The following GRIN2B variants were observed in gnomAD, a reference collection of about 807,000 sequenced individuals.
GRIN2B encodes the protein glutamate receptor ionotropic, NMDA 2B.
A neutral mutation model predicts 114.5 loss-of-function variants in GRIN2B; 5 were observed. That is an observed-to-expected ratio of 0.04 (90% CI 0.02 to 0.09). The LOEUF (loss-of-function observed/expected upper bound fraction) is 0.09, where lower values mean the gene tolerates loss of function less well. Among genes scored for constraint, GRIN2B ranks in the 10% least tolerant of loss-of-function variants. The probability of loss-of-function intolerance (pLI) is 1.00; values close to 1 mark genes in which losing one functional copy is unlikely to be tolerated. For synonymous variants in GRIN2B, 787 were observed against 745.1 expected, an observed-to-expected ratio of 1.06 and a Z score of -0.92; for missense variants, 1,108 against 1,943.5, an observed-to-expected ratio of 0.57 and a Z score of 8.08.
intron 3 of GRIN2B, among the ~76,000 whole-genome samples, chr12:13,772,144 G>A (rs1471975369): frequency 2.0e-5 from 3 of 152,270 alleles, no homozygotes; most frequent in South Asian, 2.1e-4. Flanking sequence ...TAAAAGTCAC[G>A]TTCTTCAGCT....
intron 10 of GRIN2B, among the ~76,000 whole-genome samples, chr12:13,585,050 A>G (rs1447178285): frequency 1.3e-5 from 2 of 152,234 alleles, no homozygotes; most frequent in Non-Finnish European, 2.9e-5. Flanking sequence ...AGATGGATTC[A>G]CCATGGAAAC....
At chr12:13,629,269 C>A (rs553809371) in intron 5 of GRIN2B, among the ~76,000 whole-genome samples, 37 of 152,262 alleles carry the variant, frequency 2.4e-4, no homozygotes, top group Admixed American at 3.9e-4. Context: ...AGTTTTTTGT[C>A]AGATATTCTA....
chr12:13,817,544 T>C (rs570036377), intron 3 of GRIN2B, among the ~76,000 whole-genome samples: 5 of 152,244 alleles, frequency 3.3e-5, no homozygotes, highest in African/African-American at 7.2e-5. Flanking sequence ...ACATGTGGAA[T>C]GCAAAAATGC....
intron 3 of GRIN2B, among the ~76,000 whole-genome samples, chr12:13,757,841 A>G (rs1317644874): frequency 6.6e-6 from 1 of 152,150 alleles, no homozygotes; most frequent in East Asian, 1.9e-4. Flanking sequence ...AAAAAAAAAG[A>G]GGTGCTTTTT....
intron 2 of GRIN2B, among the ~76,000 whole-genome samples, chr12:13,965,839 A>T (rs192685269): frequency 6.6e-5 from 10 of 152,366 alleles, no homozygotes; most frequent in African/African-American, 2.2e-4. Context: ...AATCTTTTGC[A>T]TGATATGTCA....
At chr12:13,693,194 G>T (rs184537196) in intron 4 of GRIN2B, among the ~76,000 whole-genome samples, 4 of 152,098 alleles carry the variant, frequency 2.6e-5, no homozygotes, top group Non-Finnish European at 5.9e-5. Context: ...AGGAACTTAA[G>T]TCTTTATACC....
At chr12:13,736,583 C>T (rs573045963) in intron 4 of GRIN2B, among the ~76,000 whole-genome samples, 23 of 152,092 alleles carry the variant, frequency 1.5e-4, no homozygotes, top group South Asian at 8.3e-4. Context: ...TCCAGAAAAA[C>T]GTCTATTTAC....
At chr12:13,648,548 T>C (rs1470815768) in intron 5 of GRIN2B, among the ~76,000 whole-genome samples, 1 of 151,920 alleles carries the variant, frequency 6.6e-6, no homozygotes, top group Non-Finnish European at 1.5e-5. Context: ...AGTCCTAGGA[T>C]TTAAAATTTC....
chr12:13,570,629 A>G (rs1948694538), intron 11 of GRIN2B, among the ~76,000 whole-genome samples: 2 of 152,206 alleles, frequency 1.3e-5, no homozygotes, highest in Non-Finnish European at 2.9e-5. Flanking sequence ...TACATAAATT[A>G]CAGCATATAG....
At position 13,756,735 on chromosome 12, in the gene GRIN2B, A is replaced by T. The variant is rs1370613470; in HGVS notation, c.412-2820T>A. On this transcript the variant is annotated intron_variant, in intron 3 of 13. Transcript: ENST00000609686. The stretch of plus-strand genomic sequence containing the variant: ...CACAAGAAGGCTCTTGAATAGATGC[A>T]AAGTTCATGTGCTATGAAACCACAG... Among the ~76,000 whole-genome samples, 3 of 152,254 alleles carry T rather than the reference A, an allele frequency of 2.0e-5. No individual in the cohort carries two copies. The East Asian group carries it at 5.8e-4, about 29-fold the overall frequency.
chr12:13,593,016 A>G (rs1676752241), intron 10 of GRIN2B, among the ~76,000 whole-genome samples: 1 of 152,186 alleles, frequency 6.6e-6, no homozygotes, highest in Non-Finnish European at 1.5e-5. Context: ...TGCCTTGGGA[A>G]CTATTTTAAG....
chr12:13,793,042 A>G lies in GRIN2B; in HGVS notation c.412-39127T>C, dbSNP rs1253521810. Among the ~76,000 whole-genome samples the G allele has an allele frequency of 3.9e-5, 6 of 152,348 alleles. No homozygotes were observed. In the East Asian group the frequency reaches 1.2e-3, roughly 29 times the overall value. On this transcript the variant is annotated intron_variant, in intron 3 of 13. Coordinates refer to ENST00000609686, the MANE Select transcript of GRIN2B (RefSeq NM_000834.5). ...TGGGGAAGTCTGTGTTACTTGTAAT[A>G]TTTCCAACTGCATTTGTCACGTCTG...
At chr12:13,641,665 T>A (rs1391383415) in intron 5 of GRIN2B, among the ~76,000 whole-genome samples, 1 of 152,112 alleles carries the variant, frequency 6.6e-6, no homozygotes, top group East Asian at 1.9e-4. Flanking sequence ...TCATGGATGA[T>A]CATCTTAACT....
chr12:13,770,945 A>C (rs2136645565), intron 3 of GRIN2B, among the ~76,000 whole-genome samples: 1 of 152,298 alleles, frequency 6.6e-6, no homozygotes, highest in South Asian at 2.1e-4. Flanking sequence ...TTTCTGAATG[A>C]TTTCGACAAC....
At position 13,615,718 on chromosome 12, in the gene GRIN2B, G is replaced by A. The variant is rs1949430298; in HGVS notation, c.1329-54C>T. Reference sequence around the variant, plus strand: ...AAACAAAAAAGTCTTTGTACAAAAAGCCAACATTTATTACCCTTTGCCATT... The same window carrying A: ...AAACAAAAAAGTCTTTGTACAAAAAACCAACATTTATTACCCTTTGCCATT... On this transcript the variant is annotated intron_variant, in intron 6 of 13. Coordinates refer to ENST00000609686, the MANE Select transcript of GRIN2B (RefSeq NM_000834.5). This position sits in a 1 kb window ranked among gnomAD's most constrained non-coding sequence, Gnocchi z 5.8. 2.0e-6 allele frequency: 3 copies of A among 1,504,198 alleles called. No individual in the cohort carries two copies. The highest frequency in any genetic ancestry group is 1.7e-5 in the Admixed American group (1 of 59,884). The allele number at this position is 1,504,198 out of a possible 1,614,324, so 93.2% of individuals were successfully genotyped here. A position where few individuals can be genotyped will look rare whatever the true frequency, so the allele number is the denominator to read the frequency against.
chr12:13,936,022 G>A (rs1032919516), intron 2 of GRIN2B, among the ~76,000 whole-genome samples: 5 of 152,162 alleles, frequency 3.3e-5, no homozygotes, highest in Non-Finnish European at 5.9e-5. Context: ...GGAGGCAGAG[G>A]TCATAGTTTG....
chr12:13,580,505 G>A (rs749399876), intron 10 of GRIN2B, among the ~76,000 whole-genome samples: 1 of 152,124 alleles, frequency 6.6e-6, no homozygotes, highest in African/African-American at 2.4e-5. Flanking sequence ...ATCACAAAAA[G>A]AATCAATGCC....
chr12:13,756,432 C>T (rs577786000), intron 3 of GRIN2B, among the ~76,000 whole-genome samples: 6 of 152,192 alleles, frequency 3.9e-5, no homozygotes, highest in South Asian at 2.1e-4. Flanking sequence ...CAGAGGACGA[C>T]GACAGGAAAG....
chr12:13,690,217 C>A (rs1307461689), intron 4 of GRIN2B, among the ~76,000 whole-genome samples: 2 of 151,830 alleles, frequency 1.3e-5, no homozygotes, highest in African/African-American at 4.8e-5. Context: ...TTGCAGAAGA[C>A]TAGTGTTGAA....
Sources: allele counts gnomAD v4.1 joint callset (sites outside exome capture counted in the v4.1 genomes callset), GRCh38; gene constraint gnomAD v4.1.1; non-coding constraint Gnocchi (gnomAD v3.1); transcripts MANE v1.5; gene names NCBI Gene and HGNC (gene_info 2026-07-23, HGNC 2026-07-21).